CDH24: variants seen among roughly 807,000 people sequenced by gnomAD.
CDH24 encodes cadherin-24.
Under a neutral mutation model 71.2 loss-of-function variants are expected in CDH24, and 61 were observed. That is an observed-to-expected ratio of 0.86 (90% CI 0.70 to 1.06). The LOEUF is 1.06. Ranked by LOEUF, CDH24 falls within the 50% of genes least tolerant of loss-of-function variation. The pLI is 0.00. For synonymous variants in CDH24, 440 were observed against 470.2 expected (o/e 0.94, Z 0.83); for missense variants, 961 against 1,083.7 (o/e 0.89, Z 1.59).
rs2047121242 is a variant in CDH24, at chr14:23,055,443, A to AG, written c.201+89dup. On this transcript the variant is annotated intron_variant, in intron 2 of 12. Coordinates refer to ENST00000487137, the MANE Select transcript of CDH24 (RefSeq NM_144985.4). This position sits in a 1 kb window ranked among gnomAD's most constrained non-coding sequence, Gnocchi z 4.1. The stretch of plus-strand genomic sequence containing the variant: ...TTTGGGTAGAGCGTTGGGAGTCCTG[A>AG]GGGACCAAGGTCATTGCAGAAGTGA... The AG allele has an allele frequency of 1.3e-6, 2 of 1,585,266 alleles. No homozygotes were observed. Among genetic ancestry groups the AG allele is most frequent in the Admixed American group, 1.7e-5 (1 of 58,644 alleles).
chr14:23,047,954 G>T lies in CDH24; in HGVS notation c.*26C>A. 1 of 1,260,322 alleles carries T rather than the reference G, an allele frequency of 7.9e-7. No homozygotes were observed. The highest frequency in any genetic ancestry group is 1.0e-6 in the Non-Finnish European group (1 of 1,001,128). 78.1% of individuals were successfully genotyped at this position (1,260,322 alleles called of 1,614,324 possible). ...GGCCTGTGCCCGCTGCCCCCCCCCCGCGGTGGGCCGGGCCAGCCCGGGCGC... is the reference window on the plus strand; with the variant it reads ...GGCCTGTGCCCGCTGCCCCCCCCCCTCGGTGGGCCGGGCCAGCCCGGGCGC... On this transcript the variant is annotated 3_prime_UTR_variant, in exon 12 of 13. Transcript: ENST00000487137.
chr14:23,052,653 C>T, intron 7 of CDH24, 44 bp from the exon 8 acceptor site: 3 of 1,599,436 alleles, frequency 1.9e-6, no homozygotes, highest in South Asian at 2.2e-5. Context: ...GGGGCGGGAC[C>T]ACAGCTTGTT....
chr14:23,054,576 C>A lies in CDH24; in HGVS notation c.714G>T (p.Gly238=), dbSNP rs921538579. The A allele has an allele frequency of 6.2e-7, 1 of 1,614,010 alleles. No individual in the cohort carries two copies. Residue 238 remains glycine, a synonymous_variant, in exon 5 of 13, where the codon GGG becomes GGT. Coordinates refer to ENST00000487137, the MANE Select transcript of CDH24 (RefSeq NM_144985.4). This position sits in a 1 kb window ranked among gnomAD's most constrained non-coding sequence, Gnocchi z 5.2. ...QAKDMGGHMG[G]LSGSTTVTVT... is the part of the protein sequence containing the mutation. ...CAGTCACCGTAGTGCTGCCTGACAGCCCCCCCATGTGGCCGCCCATGTCCT... is the reference window on the plus strand; with the variant it reads ...CAGTCACCGTAGTGCTGCCTGACAGACCCCCCATGTGGCCGCCCATGTCCT...
At chr14:23,049,763 T>C (rs1325280048) in intron 9 of CDH24, 25 bp from the exon 10 acceptor site, 4 of 1,612,292 alleles carry the variant, frequency 2.5e-6, no homozygotes, top group Non-Finnish European at 3.4e-6. Context: ...AGAGAGGCCT[T>C]GTATGGAGTG....
In CDH24 at chr14:23,054,456, A is replaced by G; in HGVS notation, c.784+50T>C. ...GAGGGAAGGTTTCTCCAGACACTGTAGGGGTGGGGTGATCAAAGGATGGCT... is the reference window on the plus strand; with the variant it reads ...GAGGGAAGGTTTCTCCAGACACTGTGGGGGTGGGGTGATCAAAGGATGGCT... On this transcript the variant is annotated intron_variant, in intron 5 of 12. Transcript: ENST00000487137. This position sits in a 1 kb window ranked among gnomAD's most constrained non-coding sequence, Gnocchi z 5.2. 6.3e-7 allele frequency: 1 copy of G among 1,587,182 alleles called. No homozygotes were observed. Among genetic ancestry groups the G allele is most frequent in the Non-Finnish European group, 8.6e-7 (1 of 1,164,364 alleles).
intron 8 of CDH24, 46 bp from the exon 9 acceptor site, chr14:23,049,989 A>C: frequency 6.3e-7 from 1 of 1,594,042 alleles, no homozygotes; most frequent in Non-Finnish European, 8.6e-7. Flanking sequence ...CACACCACAC[A>C]GTTTACACGT....
rs1345271906 is a variant in CDH24, at chr14:23,057,288, C to G, written c.-125+115G>C. 2 of 152,164 alleles carry G rather than the reference C, an allele frequency of 1.3e-5. No homozygotes were observed. Among genetic ancestry groups the G allele is most frequent in the Non-Finnish European group, 2.9e-5 (2 of 68,106 alleles). 9.4% of individuals were successfully genotyped at this position (152,164 alleles called of 1,614,324 possible). A position where few individuals can be genotyped will look rare whatever the true frequency, so the allele number is the denominator to read the frequency against. ...AGAGGCAGAGCGCGGGAGAAGGGAG[C>G]CGGCAGCGGGCTCCCAGCCACGGAG... On this transcript the variant is annotated intron_variant, in intron 1 of 12. Coordinates refer to ENST00000487137, the MANE Select transcript of CDH24 (RefSeq NM_144985.4). The surrounding 1 kb of genome is among the most constrained non-coding windows in gnomAD (Gnocchi z 5.4).
intron 6 of CDH24, among the ~76,000 whole-genome samples, 171 bp downstream of exon 6, chr14:23,053,970 A>C (rs2047104484): frequency 1.3e-5 from 2 of 152,010 alleles, no homozygotes; most frequent in African/African-American, 4.8e-5. Context: ...ACTTGCTATC[A>C]CTTCTTCTTT....
Position 23,051,825 on chromosome 14 carries a change from C to T in CDH24, c.1363+648G>A, listed in dbSNP as rs747681947. 4.5e-5 allele frequency: 25 copies of T among 560,254 alleles called. No individual in the cohort carries two copies. The highest frequency in any genetic ancestry group is 1.2e-4 in the African/African-American group (6 of 51,512). 34.7% of individuals were successfully genotyped at this position (560,254 alleles called of 1,614,324 possible). ...ATAAGCAGGGGTATAAGGGACTATT[C>T]ACAGAAGATCGGGAGGGAGGTCTCC... On this transcript the variant is annotated intron_variant, in intron 8 of 12. Transcript: ENST00000487137. The surrounding 1 kb of genome is among the most constrained non-coding windows in gnomAD (Gnocchi z 4.4).
intron 10 of CDH24, 108 bp from the exon 11 acceptor site, chr14:23,049,383 C>CCCCCCATAGAGCCAGA (rs1566721772): frequency 1.9e-6 from 2 of 1,058,598 alleles, no homozygotes; most frequent in Non-Finnish European, 2.7e-6. Flanking sequence ...ATAGAGCCAG[C>CCCCCCATAGAGCCAGA]CCATAGGTCC....
chr14:23,053,665 C>T lies in CDH24; in HGVS notation c.1057G>A (p.Gly353Arg). Reference protein sequence around the residue: ...TLIDPAYLRRGPFKDVASVRV... With the variant: ...TLIDPAYLRRRPFKDVASVRV... ...ACAGAGGCCACATCCTTGAAGGGCC[C>T]TCGCCGCAGATAGGCTGGGTCAATG... Residue 353 changes from glycine (G) to arginine (R), a missense_variant, in exon 7 of 13, where the codon GGG becomes AGG. Physicochemically the swap from Gly to Arg is moderately radical, Grantham distance 125. Coordinates refer to ENST00000487137, the MANE Select transcript of CDH24 (RefSeq NM_144985.4). 1 of 1,614,012 alleles carries T rather than the reference C, an allele frequency of 6.2e-7. No individual in the cohort carries two copies. Among genetic ancestry groups the T allele is most frequent in the Non-Finnish European group, 8.5e-7 (1 of 1,179,982 alleles).
intron 7 of CDH24, among the ~76,000 whole-genome samples, chr14:23,053,075 C>T (rs60842069): frequency 0.098 from 14,923 of 151,928 alleles, 828 homozygotes; most frequent in East Asian, 0.22. Context: ...AGTGGCTGTT[C>T]TGCCACTTAC....
rs1171761072 is a variant in CDH24 at position 23,054,915 on chromosome 14, G to A, written c.497-49C>T. On this transcript the variant is annotated intron_variant, in intron 3 of 12. Transcript: ENST00000487137. The surrounding 1 kb of genome is among the most constrained non-coding windows in gnomAD (Gnocchi z 5.2). ...TTCAGCAGCAGCAGGGAAGGATGGG[G>A]AAGAACAACCGATGGGGGGGGATGC... is the stretch of plus-strand genomic sequence containing the variant. The A allele has an allele frequency of 2.5e-6, 4 of 1,591,804 alleles. No individual in the cohort carries two copies. The highest frequency in any genetic ancestry group is 3.0e-5 in the African/African-American group (2 of 67,334).
Position 23,055,473 on chromosome 14 carries a change from G to T in CDH24, c.201+60C>A, listed in dbSNP as rs1487449006. Reference sequence around the variant, plus strand: ...CCAAGGTCATTGCAGAAGTGATGAAGTTGCAGGGCAGGGCCTGAGGGCTTG... The same window carrying T: ...CCAAGGTCATTGCAGAAGTGATGAATTTGCAGGGCAGGGCCTGAGGGCTTG... On this transcript the variant is annotated intron_variant, in intron 2 of 12. Coordinates refer to ENST00000487137, the MANE Select transcript of CDH24 (RefSeq NM_144985.4). The surrounding 1 kb of genome is among the most constrained non-coding windows in gnomAD (Gnocchi z 4.1). The T allele has an allele frequency of 2.5e-6, 4 of 1,597,524 alleles. No homozygotes were observed. The highest frequency in any genetic ancestry group is 3.4e-6 in the Non-Finnish European group (4 of 1,169,468).
At position 23,055,447 on chromosome 14, in the gene CDH24, A is replaced by T. The variant is rs1594727531; in HGVS notation, c.201+86T>A. 8 of 1,587,546 alleles carry T rather than the reference A, an allele frequency of 5.0e-6. No homozygotes were observed. Among genetic ancestry groups the T allele is most frequent in the Admixed American group, 1.7e-5 (1 of 58,806 alleles). ...GGTAGAGCGTTGGGAGTCCTGAGGGACCAAGGTCATTGCAGAAGTGATGAA... is the reference window on the plus strand; with the variant it reads ...GGTAGAGCGTTGGGAGTCCTGAGGGTCCAAGGTCATTGCAGAAGTGATGAA... On this transcript the variant is annotated intron_variant, in intron 2 of 12. Coordinates refer to ENST00000487137, the MANE Select transcript of CDH24 (RefSeq NM_144985.4). This position sits in a 1 kb window ranked among gnomAD's most constrained non-coding sequence, Gnocchi z 4.1.
chr14:23,054,546 C>G lies in CDH24; in HGVS notation c.744G>C (p.Thr248=), dbSNP rs144702573. 6.2e-7 allele frequency: 1 copy of G among 1,613,940 alleles called. No homozygotes were observed. Among genetic ancestry groups the G allele is most frequent in the African/African-American group, 1.3e-5 (1 of 75,004 alleles). Reference sequence around the variant, plus strand: ...GGGGGTTGTCGTTGACATCGCTGAGCGTGACAGTCACCGTAGTGCTGCCTG... The same window carrying G: ...GGGGGTTGTCGTTGACATCGCTGAGGGTGACAGTCACCGTAGTGCTGCCTG... ...GLSGSTTVTV[T]LSDVNDNPPK... The change falls in exon 5 of 13, where the codon ACG becomes ACC. Residue 248 remains threonine, a synonymous_variant. Coordinates refer to ENST00000487137, the MANE Select transcript of CDH24 (RefSeq NM_144985.4). This position sits in a 1 kb window ranked among gnomAD's most constrained non-coding sequence, Gnocchi z 5.2.
Position 23,049,259 on chromosome 14 carries a change from C to A in CDH24, c.1614G>T (p.Leu538=). The change falls in exon 11 of 13, where the codon CTG becomes CTT. Residue 538 remains leucine, a synonymous_variant. Coordinates refer to ENST00000487137, the MANE Select transcript of CDH24 (RefSeq NM_144985.4). ...VQDNRDGSAS[L]LLPSRPAPPR... is the part of the protein sequence containing the mutation. ...GTGGAGCAGGGCGGGAGGGCAGCAG[C>A]AGGCTGGCGGAGCCATCTGTGGGAG... is the stretch of plus-strand genomic sequence containing the variant. 1 of 1,574,592 alleles carries A rather than the reference C, an allele frequency of 6.4e-7. No individual in the cohort carries two copies. Among genetic ancestry groups the A allele is most frequent in the East Asian group, 2.3e-5 (1 of 43,362 alleles).
chr14:23,048,532 G>T (rs1289480337), intron 11 of CDH24, 53 bp from the exon 12 acceptor site: 1 of 1,580,130 alleles, frequency 6.3e-7, no homozygotes, highest in Admixed American at 1.7e-5. Context: ...GGGAGCGGGC[G>T]GCCTGTCTCC....
intron 8 of CDH24, 83 bp from the exon 9 acceptor site, chr14:23,050,026 G>A (rs2047074506): frequency 1.9e-6 from 3 of 1,543,414 alleles, no homozygotes; most frequent in Non-Finnish European, 2.6e-6. Flanking sequence ...GGGCATGGAT[G>A]CCACATGAAG....
Sources: allele counts gnomAD v4.1 joint callset (sites outside exome capture counted in the v4.1 genomes callset), GRCh38; gene constraint gnomAD v4.1.1; non-coding constraint Gnocchi (gnomAD v3.1); transcripts MANE v1.5; gene names NCBI Gene and HGNC (gene_info 2026-07-23, HGNC 2026-07-21).